The following COL21A1 variants were observed in gnomAD, a reference collection of about 807,000 sequenced individuals.
The protein encoded by COL21A1 is collagen type XXI alpha 1 chain, also known as collagen alpha-1(XXI) chain.
COL21A1 carries 149 observed loss-of-function variants against 137.9 expected under a neutral mutation model. The observed-to-expected ratio is 1.08, with a 90% CI of 0.95 to 1.24. COL21A1 has a LOEUF of 1.24. Ranked by LOEUF, COL21A1 falls within the 50% of genes most tolerant of loss-of-function variation. The probability of loss-of-function intolerance (pLI) is 0.00; values close to 1 mark genes in which losing one functional copy is unlikely to be tolerated. For synonymous variants in COL21A1, 456 were observed against 391.5 expected (o/e 1.16, Z -1.95); for missense variants, 1,167 against 1,158.4 (o/e 1.01, Z -0.11).
intron 1 of COL21A1, among the ~76,000 whole-genome samples, chr6:56,206,697 A>ATATATAT (rs1561983771): frequency 0.013 from 412 of 31,624 alleles, 3 homozygotes; most frequent in African/African-American, 0.015. Context: ...TAAATAAATA[A>ATATATAT]ATATATATAT....
chr6:56,306,937 T>C (rs892050797), intron 1 of COL21A1, among the ~76,000 whole-genome samples: 43 of 152,230 alleles, frequency 2.8e-4, no homozygotes, highest in Non-Finnish European at 5.7e-4. Context: ...GTTTTCCTTC[T>C]AACAGTCAGA....
intron 9 of COL21A1, among the ~76,000 whole-genome samples, chr6:56,158,818 G>T (rs1775983267): frequency 6.6e-6 from 1 of 152,126 alleles, no homozygotes; most frequent in Admixed American, 6.6e-5. Flanking sequence ...TTGAGGAAAG[G>T]CTTGAGAAGA....
At chr6:56,190,324 T>A (rs1375927601) in intron 1 of COL21A1, among the ~76,000 whole-genome samples, 3 of 152,160 alleles carry the variant, frequency 2.0e-5, no homozygotes, top group Non-Finnish European at 4.4e-5. Flanking sequence ...TCTACGCAAA[T>A]AAACTAGAAA....
intron 6 of COL21A1, among the ~76,000 whole-genome samples, chr6:56,167,309 T>C (rs1268260807): frequency 6.6e-6 from 1 of 152,314 alleles, no homozygotes; most frequent in East Asian, 1.9e-4. Context: ...CCAGGTTTTC[T>C]GTGTTTATCT....
At chr6:56,242,534 C>T (rs1468618040) in intron 1 of COL21A1, among the ~76,000 whole-genome samples, 1 of 152,044 alleles carries the variant, frequency 6.6e-6, no homozygotes, top group Non-Finnish European at 1.5e-5. Flanking sequence ...AAGACAAGTC[C>T]AAACAAAAAC....
chr6:56,128,396 A>T (rs1340473434), intron 12 of COL21A1, among the ~76,000 whole-genome samples: 2 of 151,838 alleles, frequency 1.3e-5, no homozygotes, highest in Admixed American at 6.6e-5. Context: ...ATATTTGGTG[A>T]TTCTTTATTG....
At position 56,124,291 on chromosome 6, in the gene COL21A1, C is replaced by A. The variant is rs761932615; in HGVS notation, c.1652G>T (p.Gly551Val). 2.1e-5 allele frequency: 33 copies of A among 1,600,858 alleles called. No homozygotes were observed. The highest frequency in any genetic ancestry group is 2.7e-5 in the Non-Finnish European group (32 of 1,173,252). Reference sequence around the variant, plus strand: ...AGCATTCCCCTTTTCACCTTTTGCACCCTGTATCGAAAACAAACACTTAAA... The same window carrying A: ...AGCATTCCCCTTTTCACCTTTTGCAACCTGTATCGAAAACAAACACTTAAA... Reference protein sequence around the residue: ...KGSPGFYGKKGAKGEKGNAGF... With the variant: ...KGSPGFYGKKVAKGEKGNAGF... Residue 551 changes from glycine to valine, a missense_variant and splice_region_variant, in exon 15 of 30, where the codon GGT becomes GTT. Gly to Val is a moderately radical substitution (Grantham distance 109). Transcript: ENST00000244728.
At chr6:56,067,872 A>G (rs1766399270) in intron 22 of COL21A1, among the ~76,000 whole-genome samples, 1 of 151,640 alleles carries the variant, frequency 6.6e-6, no homozygotes, top group Non-Finnish European at 1.5e-5. Flanking sequence ...AACTTATACA[A>G]TGCCCTTGTT....
chr6:56,362,900 C>G lies in COL21A1; in HGVS notation c.-39+31071G>C, dbSNP rs79549636. Among the ~76,000 whole-genome samples, 1,424 of 152,170 alleles carry G rather than the reference C, an allele frequency of 9.4e-3. 22 individuals are homozygous for G. The highest frequency in any genetic ancestry group is 0.032 in the African/African-American group (1,341 of 41,510). ...TTCTTCCACTTGGCAGCAAACCCTA[C>G]CCCCCACGCCCACATTGCCCCTTAT... On this transcript the variant is annotated intron_variant, in intron 1 of 28. Transcript: ENST00000370819.
At chr6:56,246,026 A>C (rs1038344795) in intron 1 of COL21A1, among the ~76,000 whole-genome samples, 6 of 152,270 alleles carry the variant, frequency 3.9e-5, no homozygotes, top group Admixed American at 1.3e-4. Flanking sequence ...TTGCAAAGTC[A>C]TTCTATTTTT....
chr6:56,195,457 G>A (rs1317503563), intron 1 of COL21A1, among the ~76,000 whole-genome samples: 1 of 151,974 alleles, frequency 6.6e-6, no homozygotes, highest in African/African-American at 2.4e-5. Context: ...GAGGGAAAGA[G>A]GGGCAGAATT....
At chr6:56,285,584 G>A (rs1763891465) in intron 1 of COL21A1, among the ~76,000 whole-genome samples, 1 of 151,876 alleles carries the variant, frequency 6.6e-6, no homozygotes, top group African/African-American at 2.4e-5. Flanking sequence ...TTTTTGTTAG[G>A]ACAAGAAGAA....
intron 1 of COL21A1, among the ~76,000 whole-genome samples, chr6:56,226,666 TGTTTG>T (rs1200503205): frequency 6.6e-6 from 1 of 151,990 alleles, no homozygotes; most frequent in Non-Finnish European, 1.5e-5. Context: ...TATCTTGAAT[TGTTTG>T]TGTGATGGTG....
intron 28 of COL21A1, 22 bp downstream of exon 28, chr6:56,059,996 C>A: frequency 6.5e-7 from 1 of 1,550,018 alleles, no homozygotes; most frequent in African/African-American, 1.4e-5. Flanking sequence ...AATTCATTTT[C>A]TTGTTGAAAC....
At chr6:56,328,844 C>T (rs531743758) in intron 1 of COL21A1, among the ~76,000 whole-genome samples, 4 of 152,048 alleles carry the variant, frequency 2.6e-5, no homozygotes, top group East Asian at 3.9e-4. Context: ...AGCTCACAGA[C>T]GGTCATTTTG....
At chr6:56,216,974 T>C (rs1780525163) in intron 1 of COL21A1, among the ~76,000 whole-genome samples, 1 of 152,128 alleles carries the variant, frequency 6.6e-6, no homozygotes, top group Non-Finnish European at 1.5e-5. Flanking sequence ...AAGTATTTTC[T>C]GTATTAAGCA....
At chr6:56,061,615 A>C in intron 25 of COL21A1, 34 bp downstream of exon 25, 1 of 1,500,644 alleles carries the variant, frequency 6.7e-7, no homozygotes, top group South Asian at 1.2e-5. Flanking sequence ...CCGAAGAAAG[A>C]GAGCAAGAGA....
intron 1 of COL21A1, among the ~76,000 whole-genome samples, chr6:56,369,648 CAGAG>C (rs1431022395): frequency 8.5e-5 from 13 of 152,130 alleles, no homozygotes; most frequent in African/African-American, 3.1e-4. Flanking sequence ...ATGTGTTCAA[CAGAG>C]AGAGATCTTT....
chr6:56,289,031 T>C (rs1403929139), intron 1 of COL21A1, among the ~76,000 whole-genome samples: 5 of 152,180 alleles, frequency 3.3e-5, no homozygotes, highest in Non-Finnish European at 7.3e-5. Context: ...CTCCAAGTCT[T>C]GGTCATATTA....
Sources: gnomAD v4.1 joint callset for allele counts (sites outside exome capture counted in the v4.1 genomes callset) on GRCh38, gnomAD v4.1.1 for gene constraint, MANE v1.5 for transcripts, NCBI Gene and HGNC (gene_info 2026-07-23, HGNC 2026-07-21) for gene names.